GAS7: variants seen among roughly 807,000 people sequenced by gnomAD.
The protein encoded by GAS7 is growth arrest-specific protein 7.
GAS7 carries 28 observed loss-of-function variants against 71.1 expected under a neutral mutation model. That is an observed-to-expected ratio of 0.39 (90% CI 0.29 to 0.54). GAS7 has a LOEUF of 0.54. Among genes scored for constraint, GAS7 ranks in the 20% least tolerant of loss-of-function variants. The pLI, the probability that GAS7 is intolerant of heterozygous loss-of-function variation, is 0.62. For synonymous variants in GAS7, 258 were observed against 245.8 expected (o/e 1.05, Z -0.46); for missense variants, 436 against 627.8 (o/e 0.69, Z 3.27).
rs117911184 is a variant in GAS7 at position 10,020,429 on chromosome 17, G to A, written c.184-532C>T. Among the ~76,000 whole-genome samples the A allele has an allele frequency of 9.9e-4, 151 of 152,302 alleles. 1 individual carries two copies. Among genetic ancestry groups the A allele is most frequent in the Non-Finnish European group, 1.5e-3 (105 of 68,028 alleles). ...CTGGATGGAGCTTCTCTCGCCAAGG[G>A]TCCAGATCACTCTGGCAAAAAGAAC... On this transcript the variant is annotated intron_variant, in intron 1 of 13. Coordinates refer to ENST00000432992, the MANE Select transcript of GAS7 (RefSeq NM_201433.2).
rs570755415 is a variant in GAS7, at chr17:10,034,247, G to A, written c.184-14350C>T. On this transcript the variant is annotated intron_variant, in intron 1 of 13. Coordinates refer to ENST00000432992, the MANE Select transcript of GAS7 (RefSeq NM_201433.2). The surrounding 1 kb of genome is among the most constrained non-coding windows in gnomAD (Gnocchi z 4.4). ...CTCAATTGCTTCATCTCTAAAACACGGAAGTTGGACCAGATGGTCTCCAAG... is the reference window on the plus strand; with the variant it reads ...CTCAATTGCTTCATCTCTAAAACACAGAAGTTGGACCAGATGGTCTCCAAG... 7 of 983,976 alleles carry A rather than the reference G, an allele frequency of 7.1e-6. No homozygotes were observed. The highest frequency in any genetic ancestry group is 8.4e-6 in the Non-Finnish European group (7 of 828,852). 61.0% of individuals were successfully genotyped at this position (983,976 alleles called of 1,614,324 possible).
intron 7 of GAS7, 102 bp downstream of exon 7, chr17:9,943,019 G>A: frequency 8.6e-6 from 6 of 695,578 alleles, no homozygotes; most frequent in Non-Finnish European, 1.5e-5. Flanking sequence ...GCCCAATGCT[G>A]AGTGTGCAGT....
At chr17:10,133,717 C>A (rs990607997) in intron 1 of GAS7, among the ~76,000 whole-genome samples, 1 of 151,718 alleles carries the variant, frequency 6.6e-6, no homozygotes, top group African/African-American at 2.4e-5. Flanking sequence ...CCACCCAGCC[C>A]CTGGTGATCA....
chr17:10,156,692 G>A (rs1597825002), intron 1 of GAS7, among the ~76,000 whole-genome samples: 1 of 152,276 alleles, frequency 6.6e-6, no homozygotes, highest in Middle Eastern at 3.4e-3. Flanking sequence ...CGAGGTTGGG[G>A]TATTTTCACC....
At position 9,974,432 on chromosome 17, in the gene GAS7, G is replaced by A. The variant is rs1177407278; in HGVS notation, c.386-4670C>T. ...TGAGGCGAGAAGTGGGTGCTTCTGG[G>A]GCCTCCAGCCTCTGGGGGAAGAAAA... On this transcript the variant is annotated intron_variant, in intron 3 of 13. Transcript: ENST00000432992. The surrounding 1 kb of genome is among the most constrained non-coding windows in gnomAD (Gnocchi z 4.0). Among the ~76,000 whole-genome samples, 6 of 151,572 alleles carry A rather than the reference G, an allele frequency of 4.0e-5. No individual in the cohort carries two copies. The highest frequency in any genetic ancestry group is 7.4e-5 in the Non-Finnish European group (5 of 67,786).
chr17:10,149,754 T>C (rs776428739), intron 1 of GAS7, among the ~76,000 whole-genome samples: 6 of 152,238 alleles, frequency 3.9e-5, no homozygotes, highest in Non-Finnish European at 7.3e-5. Context: ...TGGAATATTA[T>C]TCAGCCATGA....
At chr17:10,192,768 C>G (rs1317947651) in intron 1 of GAS7, among the ~76,000 whole-genome samples, 3 of 152,190 alleles carry the variant, frequency 2.0e-5, no homozygotes, top group Non-Finnish European at 4.4e-5. Flanking sequence ...TGAGCTGAGG[C>G]TGACAGAGTG....
intron 1 of GAS7, among the ~76,000 whole-genome samples, chr17:10,076,541 C>T (rs1342807466): frequency 6.6e-6 from 1 of 152,046 alleles, no homozygotes; most frequent in African/African-American, 2.4e-5. Flanking sequence ...CATATTCATA[C>T]ATTATAATTG....
intron 10 of GAS7, 53 bp from the exon 11 acceptor site, chr17:9,925,652 C>G (rs1439047257): frequency 1.2e-6 from 2 of 1,607,954 alleles, no homozygotes; most frequent in East Asian, 4.5e-5. Flanking sequence ...GCCAGTGGGC[C>G]TCCTGGGCCA....
chr17:9,920,250 C>G (rs945449613), intron 11 of GAS7, among the ~76,000 whole-genome samples: 1 of 151,922 alleles, frequency 6.6e-6, no homozygotes, highest in African/African-American at 2.4e-5. Flanking sequence ...AAGAACGCAT[C>G]TGTAGTCACA....
intron 1 of GAS7, among the ~76,000 whole-genome samples, chr17:10,160,939 TACACACACACACACACACAC>T (rs61578754): frequency 7.2e-6 from 1 of 139,604 alleles, no homozygotes; most frequent in South Asian, 2.3e-4. Context: ...ATTGAAACCA[TACACACACACACACACACAC>T]ACACACACAC....
chr17:10,120,074 T>G (rs2073892678), intron 1 of GAS7, among the ~76,000 whole-genome samples: 1 of 152,108 alleles, frequency 6.6e-6, no homozygotes, highest in African/African-American at 2.4e-5. Flanking sequence ...TGGGAAGAAA[T>G]GCAAGGCTGG....
At chr17:10,000,408 TAA>T (rs2071224225) in intron 2 of GAS7, among the ~76,000 whole-genome samples, 1 of 152,148 alleles carries the variant, frequency 6.6e-6, no homozygotes, top group Non-Finnish European at 1.5e-5. Flanking sequence ...AAGAAAGGCA[TAA>T]GAATCAAAAC....
chr17:10,003,461 G>T (rs898717194), intron 2 of GAS7, among the ~76,000 whole-genome samples: 2 of 152,188 alleles, frequency 1.3e-5, no homozygotes, highest in African/African-American at 4.8e-5. Context: ...GCCCCCCATG[G>T]GGTCCCCACA....
At chr17:10,005,892 T>C (rs1271630900) in intron 2 of GAS7, among the ~76,000 whole-genome samples, 1 of 151,898 alleles carries the variant, frequency 6.6e-6, no homozygotes, top group Non-Finnish European at 1.5e-5. Flanking sequence ...TCAAAAAGAG[T>C]TCAAATCAAG....
chr17:10,101,002 C>T (rs1362208492), intron 1 of GAS7, among the ~76,000 whole-genome samples: 2 of 152,188 alleles, frequency 1.3e-5, no homozygotes, highest in Non-Finnish European at 2.9e-5. Flanking sequence ...CGTGCAGTGG[C>T]TCATGCCTGT....
At chr17:10,098,951 A>G (rs972348) in intron 1 of GAS7, among the ~76,000 whole-genome samples, 22,466 of 152,126 alleles carry the variant, frequency 0.15, 1,825 homozygotes, top group East Asian at 0.25. Flanking sequence ...GCGAGACTCC[A>G]TCTCAAAAAA....
At chr17:10,052,348 A>G (rs2073073966) in intron 1 of GAS7, among the ~76,000 whole-genome samples, 1 of 152,220 alleles carries the variant, frequency 6.6e-6, no homozygotes, top group African/African-American at 2.4e-5. Context: ...CAAATTGATA[A>G]TCAGGTAGAA....
intron 1 of GAS7, among the ~76,000 whole-genome samples, chr17:10,146,960 T>TA (rs1252230604): frequency 2.8e-5 from 4 of 144,866 alleles, no homozygotes; most frequent in South Asian, 2.3e-4. Flanking sequence ...CTCCGTCTCA[T>TA]AAAAAAAACG....
Sources: gnomAD v4.1 joint callset for allele counts (sites outside exome capture counted in the v4.1 genomes callset) on GRCh38, gnomAD v4.1.1 for gene constraint, Gnocchi (gnomAD v3.1) non-coding constraint, MANE v1.5 for transcripts, NCBI Gene and HGNC (gene_info 2026-07-23, HGNC 2026-07-21) for gene names.